SH2D6: variants seen among roughly 807,000 people sequenced by gnomAD.
The protein encoded by SH2D6 is SH2 domain containing 6, also known as SH2 domain-containing protein 6.
A neutral mutation model predicts 30.2 loss-of-function variants in SH2D6; 31 were observed. The ratio of observed to expected loss-of-function variants is 1.03; its 90% CI spans 0.77 to 1.38. The LOEUF is 1.38. Ranked by LOEUF, SH2D6 falls within the 40% of genes most tolerant of loss-of-function variation. The probability of loss-of-function intolerance (pLI) is 0.00; values close to 1 mark genes in which losing one functional copy is unlikely to be tolerated. For missense variants in SH2D6, 240 were observed against 266.8 expected (o/e 0.90, Z 0.70); for synonymous variants, 93 against 104.6 (o/e 0.89, Z 0.68).
chr2:85,424,141 A>C (rs1259138803), intron 5 of SH2D6, among the ~76,000 whole-genome samples: 1 of 152,188 alleles, frequency 6.6e-6, no homozygotes, highest in Non-Finnish European at 1.5e-5. Context: ...TCATGTTCAG[A>C]AAGTTCTTTC....
intron 23 of SH2D6, 117 bp from the exon 24 acceptor site, chr2:85,436,720 A>G: frequency 4.1e-6 from 3 of 734,596 alleles, no homozygotes; most frequent in Non-Finnish European, 7.0e-6. Flanking sequence ...TTAATGGGGA[A>G]AGCCTGCCTG....
At chr2:85,432,855 G>A (rs1573239311) in intron 14 of SH2D6, among the ~76,000 whole-genome samples, 1 of 152,322 alleles carries the variant, frequency 6.6e-6, no homozygotes, top group South Asian at 2.1e-4. Context: ...TTTTTGAACA[G>A]TCCAAAGTCA....
intron 6 of SH2D6, among the ~76,000 whole-genome samples, chr2:85,426,191 T>G (rs1688036954): frequency 6.6e-6 from 1 of 152,214 alleles, no homozygotes. Context: ...TCTTCCTCCT[T>G]GCAATGAATC....
At chr2:85,424,468 G>C (rs1158925887) in intron 5 of SH2D6, among the ~76,000 whole-genome samples, 6 of 152,088 alleles carry the variant, frequency 3.9e-5, no homozygotes, top group Non-Finnish European at 8.8e-5. Flanking sequence ...AATAATTAAT[G>C]GTTGGGCACA....
At chr2:85,426,452 T>C (rs1688059606) in intron 6 of SH2D6, among the ~76,000 whole-genome samples, 1 of 152,174 alleles carries the variant, frequency 6.6e-6, no homozygotes, top group African/African-American at 2.4e-5. Flanking sequence ...CGTACTCTAA[T>C]CTTCCTCCAC....
rs1388409234 is a variant in SH2D6, at chr2:85,419,212, GC to G, written c.-606del. The stretch of plus-strand genomic sequence containing the variant: ...TATCTGACCATCGTCGGCGCCCTGC[GC>G]CCAGGCATCAATTTTACATGGCAGA... On this transcript the variant is annotated 5_prime_UTR_variant, in exon 2 of 24. Coordinates refer to ENST00000469800, the MANE Select transcript of SH2D6 (RefSeq NM_001394463.1). 6.6e-6 allele frequency: 1 copy of G among 152,320 alleles called. No individual in the cohort carries two copies. The highest frequency in any genetic ancestry group is 2.4e-5 in the African/African-American group (1 of 41,454). The allele number at this position is 152,320 out of a possible 1,614,324, so 9.4% of individuals were successfully genotyped here. A position where few individuals can be genotyped will look rare whatever the true frequency, so the allele number is the denominator to read the frequency against.
intron 19 of SH2D6, chr2:85,434,784 G>C: frequency 6.9e-7 from 1 of 1,457,374 alleles, no homozygotes; most frequent in Non-Finnish European, 9.0e-7. Flanking sequence ...AGGCCTGAGG[G>C]GACCCTCTTG....
At chr2:85,420,782 C>G (rs1687721847) in intron 2 of SH2D6, 1 of 152,346 alleles carries the variant, frequency 6.6e-6, no homozygotes, top group Non-Finnish European at 1.5e-5. Flanking sequence ...CCGTCAGCCT[C>G]CGGGCCCAGG....
chr2:85,418,974 C>T (rs545328541), intron 1 of SH2D6, 44 bp downstream of exon 1: 1 of 152,558 alleles, frequency 6.6e-6, no homozygotes, highest in East Asian at 1.9e-4. Context: ...GGGGTTGGGC[C>T]CACAGCCTGC....
rs1472180197 is a variant in SH2D6, at chr2:85,434,032, G to A, written c.455-1G>A. ...GCCCAGCCTGCCCCTCCCTGTTTCA[G>A]TCCTGGCTTTGACTCAGACTCTCAG... On this transcript the variant is annotated splice_acceptor_variant, in intron 16 of 23. Coordinates refer to ENST00000469800, the MANE Select transcript of SH2D6 (RefSeq NM_001394463.1). LOFTEE classifies it high-confidence loss of function. 11 of 1,550,192 alleles carry A rather than the reference G, an allele frequency of 7.1e-6. No homozygotes were observed. The highest frequency in any genetic ancestry group is 4.4e-6 in the Non-Finnish European group (5 of 1,146,820).
Position 85,435,341 on chromosome 2 carries a change from C to T in SH2D6, c.649-72C>T, listed in dbSNP as rs576604260. On this transcript the variant is annotated intron_variant, in intron 20 of 23. Transcript: ENST00000469800. ...GGAGATGGGAACATAAATAACTGCACCCTGGGTCCTCGGCTCCGCATGCCT... is the reference window on the plus strand; with the variant it reads ...GGAGATGGGAACATAAATAACTGCATCCTGGGTCCTCGGCTCCGCATGCCT... The T allele has an allele frequency of 1.3e-5, 20 of 1,520,028 alleles. No homozygotes were observed. The East Asian group carries it at 3.2e-4, about 24-fold the overall frequency. The allele number at this position is 1,520,028 out of a possible 1,614,324, so 94.2% of individuals were successfully genotyped here.
intron 19 of SH2D6, 136 bp downstream of exon 19, chr2:85,434,633 A>C (rs1187772544): frequency 5.3e-5 from 72 of 1,345,900 alleles, no homozygotes; most frequent in Non-Finnish European, 6.9e-5. Context: ...AAAAAAAAAA[A>C]AACTAGGTGA....
intron 19 of SH2D6, 128 bp from the exon 20 acceptor site, chr2:85,434,936 CG>C (rs780387196): frequency 1.2e-6 from 2 of 1,600,208 alleles, no homozygotes; most frequent in Non-Finnish European, 1.7e-6. Context: ...CACTGGGTGC[CG>C]GGGTTTGGGC....
chr2:85,423,195 TTTTTTG>T (rs958982181), intron 5 of SH2D6, among the ~76,000 whole-genome samples: 5 of 135,206 alleles, frequency 3.7e-5, no homozygotes, highest in East Asian at 2.2e-4. Context: ...GCCTGTTTTT[TTTTTTG>T]TTGTTGTTGT....
At position 85,429,567 on chromosome 2, in the gene SH2D6, C is replaced by T. The variant is rs1351380502; in HGVS notation, c.4-20C>T. The stretch of plus-strand genomic sequence containing the variant: ...GGTGGTTGCACTGACCCCTGTACTC[C>T]CCACCCTGGCTTTTTCCAGGACAAG... On this transcript the variant is annotated intron_variant, in intron 8 of 23. Coordinates refer to ENST00000469800, the MANE Select transcript of SH2D6 (RefSeq NM_001394463.1). 2 of 152,726 alleles carry T rather than the reference C, an allele frequency of 1.3e-5. No individual in the cohort carries two copies. Among genetic ancestry groups the T allele is most frequent in the African/African-American group, 4.8e-5 (2 of 41,398 alleles). The allele number at this position is 152,726 out of a possible 1,614,324, so 9.5% of individuals were successfully genotyped here.
At chr2:85,434,806 G>C in intron 19 of SH2D6, 3 of 1,459,456 alleles carry the variant, frequency 2.1e-6, no homozygotes, top group Admixed American at 2.8e-5. Context: ...GCATTTTCCG[G>C]TGCCTGCACC....
chr2:85,436,559 C>T lies in SH2D6; in HGVS notation c.985C>T (p.Leu329=). Residue 329 remains leucine (L), a synonymous_variant, in exon 23 of 24, where the codon CTG becomes TTG. Transcript: ENST00000469800. ...RHSGSRELTC[L]LFPTKP ...CAGCGGCAGCCGGGAACTCACCTGC[C>T]TGCTCTTCCCCACCAAGCCTTGAGG... is the stretch of plus-strand genomic sequence containing the variant. The T allele has an allele frequency of 6.2e-7, 1 of 1,613,838 alleles. No homozygotes were observed. Among genetic ancestry groups the T allele is most frequent in the Non-Finnish European group, 8.5e-7 (1 of 1,179,996 alleles).
At chr2:85,434,220 G>A in intron 17 of SH2D6, 109 bp downstream of exon 17, 2 of 1,516,914 alleles carry the variant, frequency 1.3e-6, no homozygotes, top group Non-Finnish European at 1.8e-6. Context: ...GAATCTCCTT[G>A]CACTGTCCCA....
intron 7 of SH2D6, 84 bp from the exon 8 acceptor site, chr2:85,429,288 A>T (rs1325301467): frequency 1.3e-5 from 2 of 152,278 alleles, no homozygotes; most frequent in African/African-American, 4.8e-5. Context: ...AGGCTCAGAG[A>T]CCTGGGGCTG....
Sources: gnomAD v4.1 joint callset for allele counts (sites outside exome capture counted in the v4.1 genomes callset) on GRCh38, gnomAD v4.1.1 for gene constraint, MANE v1.5 for transcripts, NCBI Gene and HGNC (gene_info 2026-07-23, HGNC 2026-07-21) for gene names.